Variants in LRP6 observed in about 807,000 individuals in gnomAD.
The protein encoded by LRP6 is LDL receptor related protein 6, also known as low-density lipoprotein receptor-related protein 6.
A neutral mutation model predicts 184.1 loss-of-function variants in LRP6; 43 were observed. The ratio of observed to expected loss-of-function variants is 0.23; its 90% CI spans 0.18 to 0.30. The LOEUF (loss-of-function observed/expected upper bound fraction) is 0.30, where lower values mean the gene tolerates loss of function less well. LRP6 is among the 10% of genes least tolerant of loss of function. LRP6 has a pLI of 1.00. For missense variants in LRP6, 1,571 were observed against 2,005.3 expected, an observed-to-expected ratio of 0.78 and a Z score of 4.14; for synonymous variants, 719 against 684.9, an observed-to-expected ratio of 1.05 and a Z score of -0.78.
chr12:12,158,083 T>G (rs568817224), intron 12 of LRP6, among the ~76,000 whole-genome samples: 1 of 152,364 alleles, frequency 6.6e-6, no homozygotes, highest in Non-Finnish European at 1.5e-5. Context: ...CTCTTTAGTT[T>G]CTCATCAACT....
intron 3 of LRP6, among the ~76,000 whole-genome samples, chr12:12,196,678 T>C (rs1263344682): frequency 6.6e-6 from 1 of 152,158 alleles, no homozygotes; most frequent in African/African-American, 2.4e-5. Flanking sequence ...AGATATTTCA[T>C]TTATATGTCC....
At chr12:12,198,472 CTGAAG>C (rs909807184) in intron 3 of LRP6, among the ~76,000 whole-genome samples, 50 of 148,264 alleles carry the variant, frequency 3.4e-4, no homozygotes, top group African/African-American at 9.7e-4. Flanking sequence ...GTTTTCTTTT[CTGAAG>C]TGATTTTTTA....
chr12:12,198,920 T>C (rs905416437), intron 3 of LRP6, among the ~76,000 whole-genome samples: 6 of 152,126 alleles, frequency 3.9e-5, no homozygotes, highest in African/African-American at 1.4e-4. Context: ...AAAGAAAAAA[T>C]TTATTGAAGA....
At chr12:12,218,487 A>G (rs980954187) in intron 2 of LRP6, among the ~76,000 whole-genome samples, 7 of 131,820 alleles carry the variant, frequency 5.3e-5, no homozygotes, top group Non-Finnish European at 1.2e-4. Context: ...AATAATAATA[A>G]TAATAATAAT....
At position 12,162,343 on chromosome 12, in the gene LRP6, A is replaced by G; in HGVS notation, c.2129T>C (p.Met710Thr). 1 of 1,614,228 alleles carries G rather than the reference A, an allele frequency of 6.2e-7. No homozygotes were observed. The highest frequency in any genetic ancestry group is 8.5e-7 in the Non-Finnish European group (1 of 1,180,046). ...GTTCTTCCCAAGCCAGTCTACTGCCATGCCTTCTGGATAATCTAAGCCGAA... is the reference window on the plus strand; with the variant it reads ...GTTCTTCCCAAGCCAGTCTACTGCCGTGCCTTCTGGATAATCTAAGCCGAA... ...VEFGLDYPEGMAVDWLGKNLY... is the reference protein window; with the variant it reads ...VEFGLDYPEGTAVDWLGKNLY... The change falls in exon 10 of 23, where the codon ATG becomes ACG. Residue 710 changes from methionine (M) to threonine (T), a missense_variant. Transcript: ENST00000261349.
chr12:12,248,471 C>CCTTTTT (rs1865242351), intron 1 of LRP6, among the ~76,000 whole-genome samples: 1 of 62,758 alleles, frequency 1.6e-5, no homozygotes, highest in African/African-American at 5.8e-5. Flanking sequence ...AGTCTTTACT[C>CCTTTTT]TTTTTTTTTT....
chr12:12,160,131 T>C (rs1331713181), intron 10 of LRP6, among the ~76,000 whole-genome samples, 167 bp from the exon 11 acceptor site: 1 of 152,196 alleles, frequency 6.6e-6, no homozygotes, highest in Non-Finnish European at 1.5e-5. Flanking sequence ...TTTGGCACCC[T>C]AAACTAAATA....
At position 12,124,288 on chromosome 12, in the gene LRP6, G is replaced by A. The variant is rs568793190; in HGVS notation, c.4547+277C>T. Among the ~76,000 whole-genome samples, 254 of 152,248 alleles carry A rather than the reference G, an allele frequency of 1.7e-3. 1 individual carries two copies. Among genetic ancestry groups the A allele is most frequent in the African/African-American group, 5.7e-3 (236 of 41,536 alleles). On this transcript the variant is annotated intron_variant, in intron 22 of 22. Transcript: ENST00000261349. ...TTTGAGAGGCTGAGGCAGGAGAATC[G>A]CTTGAACCTGGGAGGCGGAGGTTGC...
chr12:12,151,144 G>C (rs1950075752), intron 12 of LRP6, 106 bp from the exon 13 acceptor site: 1 of 1,041,634 alleles, frequency 9.6e-7, no homozygotes, highest in African/African-American at 1.6e-5. Context: ...AACAGACATA[G>C]ATGTTGAAGA....
At chr12:12,203,860 C>A (rs946029362) in intron 2 of LRP6, among the ~76,000 whole-genome samples, 1 of 152,160 alleles carries the variant, frequency 6.6e-6, no homozygotes, top group Non-Finnish European at 1.5e-5. Flanking sequence ...CTAATATCTA[C>A]CATTTGCAAC....
In LRP6 at chr12:12,155,495, AAAGTT is replaced by A. The variant is rs375003077; in HGVS notation, c.2791+3329_2791+3333del. ...TGCTGTTGGCATTGTTGTAAACAAA[AAAGTT>A]AAGGGCAAGATTCTTGCCAACAGAA... On this transcript the variant is annotated intron_variant, in intron 12 of 22. Coordinates refer to ENST00000261349, the MANE Select transcript of LRP6 (RefSeq NM_002336.3). The A allele has an allele frequency of 5.1e-4, 423 of 837,102 alleles. 2 individuals are homozygous for A. Among genetic ancestry groups the A allele is most frequent in the Non-Finnish European group, 7.4e-4 (359 of 486,704 alleles). The allele number at this position is 837,102 out of a possible 1,614,324, so 51.9% of individuals were successfully genotyped here.
chr12:12,135,292 G>T lies in LRP6; in HGVS notation c.3616C>A (p.Pro1206Thr). Residue 1206 changes from proline (P) to threonine (T), a missense_variant, in exon 17 of 23, where the codon CCT (proline) becomes ACT (threonine). This residue lies in a region of LRP6 where 763 missense variants were observed against 859.5 expected (regional missense o/e 0.89). Transcript: ENST00000261349. Reference sequence around the variant, plus strand: ...CAGCCACCATTATCCTGAGCACAAGGGTGCTGTCCTGCAAAGAGAAGAGGT... The same window carrying T: ...CAGCCACCATTATCCTGAGCACAAGTGTGCTGTCCTGCAAAGAGAAGAGGT... ...ELNLQEYRQH[P>T]CAQDNGGCSH... is the part of the protein sequence containing the mutation. The T allele has an allele frequency of 6.2e-7, 1 of 1,613,566 alleles. No individual in the cohort carries two copies. The highest frequency in any genetic ancestry group is 8.5e-7 in the Non-Finnish European group (1 of 1,179,764).
chr12:12,240,798 T>C (rs997248949), intron 2 of LRP6, among the ~76,000 whole-genome samples: 1 of 152,112 alleles, frequency 6.6e-6, no homozygotes, highest in Non-Finnish European at 1.5e-5. Context: ...TTGCTTAGCA[T>C]GGTAACTGTG....
intron 1 of LRP6, chr12:12,249,487 A>C: frequency 1.5e-6 from 1 of 649,236 alleles, no homozygotes; most frequent in Non-Finnish European, 2.7e-6. Context: ...GAAAAACCAC[A>C]GGCCCTTCCT....
At chr12:12,129,843 C>T (rs1321554578) in intron 19 of LRP6, among the ~76,000 whole-genome samples, 5 of 152,176 alleles carry the variant, frequency 3.3e-5, no homozygotes, top group Admixed American at 3.3e-4. Flanking sequence ...AGCCAGCGCA[C>T]TGGCACAACA....
At chr12:12,232,236 T>G (rs956286245) in intron 2 of LRP6, among the ~76,000 whole-genome samples, 1 of 151,448 alleles carries the variant, frequency 6.6e-6, no homozygotes, top group Non-Finnish European at 1.5e-5. Flanking sequence ...TACAAAAAAT[T>G]AGCCGGGCAT....
In LRP6 at chr12:12,162,040, A is replaced by G. The variant is rs551350730; in HGVS notation, c.2279+153T>C. On this transcript the variant is annotated intron_variant, in intron 10 of 22. Coordinates refer to ENST00000261349, the MANE Select transcript of LRP6 (RefSeq NM_002336.3). ...ATAATTATTCATTCAAATCAGCAAA[A>G]TATCAATAGTGTTTTTAAAAGTTCA... Among the ~76,000 whole-genome samples, 5 of 146,800 alleles carry G rather than the reference A, an allele frequency of 3.4e-5. No individual in the cohort carries two copies. The East Asian group carries it at 7.7e-4, about 23-fold the overall frequency.
At chr12:12,177,817 G>A (rs1010468671) in intron 7 of LRP6, among the ~76,000 whole-genome samples, 2 of 152,154 alleles carry the variant, frequency 1.3e-5, no homozygotes, top group African/African-American at 4.8e-5. Context: ...AGCAAACCTA[G>A]AAGGAGAAAG....
chr12:12,154,555 T>C (rs541530314), intron 12 of LRP6, among the ~76,000 whole-genome samples: 2 of 152,296 alleles, frequency 1.3e-5, no homozygotes, highest in South Asian at 4.1e-4. Flanking sequence ...TACAATAATA[T>C]ATGAAGAAAC....
Sources: allele counts gnomAD v4.1 joint callset (sites outside exome capture counted in the v4.1 genomes callset), GRCh38; gene constraint gnomAD v4.1.1; regional missense constraint gnomAD v4.1.1; transcripts MANE v1.5; gene names NCBI Gene and HGNC (gene_info 2026-07-23, HGNC 2026-07-21).